HAS3: variants seen among roughly 807,000 people sequenced by gnomAD.
The protein encoded by HAS3 is HA synthase 3.
A neutral mutation model predicts 50.3 loss-of-function variants in HAS3; 27 were observed. The ratio of observed to expected loss-of-function variants is 0.54; its 90% CI spans 0.40 to 0.74. HAS3 has a LOEUF of 0.74. Among genes scored for constraint, HAS3 ranks in the 30% least tolerant of loss-of-function variants. The pLI, the probability that HAS3 is intolerant of heterozygous loss-of-function variation, is 0.00. For synonymous variants in HAS3, 339 were observed against 310.9 expected (o/e 1.09, Z -0.95); for missense variants, 517 against 742.8 (o/e 0.70, Z 3.53).
At chr16:69,085,345 G>A in the HAS3 span, among the ~76,000 whole-genome samples, 3 of 152,286 alleles carry the variant, frequency 2.0e-5, no homozygotes, top group South Asian at 4.1e-4. Flanking sequence ...ATCCTCGAGT[G>A]CCTCATGAAG....
At chr16:69,104,339 C>T (rs1186469549), upstream of HAS3, among the ~76,000 whole-genome samples, 1 of 150,924 alleles carries the variant, frequency 6.6e-6, no homozygotes, top group East Asian at 1.9e-4. Flanking sequence ...CTCTGTCGCC[C>T]AGGCTGGAGT....
In HAS3 at chr16:69,109,618, C is replaced by G; in HGVS notation, c.223C>G (p.Gln75Glu). ...LEHRRMRRAG[Q>E]ALKLPSPRRG... is the part of the protein sequence containing the mutation. Reference sequence around the variant, plus strand: ...GCACCGGCGCATGCGACGTGCCGGCCAGGCCCTGAAGCTGCCCTCCCCGCG... The same window carrying G: ...GCACCGGCGCATGCGACGTGCCGGCGAGGCCCTGAAGCTGCCCTCCCCGCG... The change falls in exon 2 of 4, where the codon CAG (glutamine) becomes GAG (glutamate). Residue 75 changes from glutamine to glutamate, a missense_variant. Physicochemically the swap from Gln to Glu is conservative, Grantham distance 29 (BLOSUM62 2). Coordinates refer to ENST00000569188, the MANE Select transcript of HAS3 (RefSeq NM_001199280.2). This position sits in a 1 kb window ranked among gnomAD's most constrained non-coding sequence, Gnocchi z 5.3. The G allele has an allele frequency of 6.2e-7, 1 of 1,611,958 alleles. No individual in the cohort carries two copies. The highest frequency in any genetic ancestry group is 8.5e-7 in the Non-Finnish European group (1 of 1,179,750).
chr16:69,087,810 C>A, the HAS3 span, among the ~76,000 whole-genome samples: 1 of 148,374 alleles, frequency 6.7e-6, no homozygotes, highest in Non-Finnish European at 1.5e-5. Flanking sequence ...TCAAGCAATT[C>A]TCCTGCCTTA....
In HAS3 at chr16:69,114,944, T is replaced by C. The variant is rs1961131312; in HGVS notation, c.1340T>C (p.Met447Thr). ...ATGTCCCTCTACTCCCTCCTCTATA[T>C]GTCCAGCCTTCTGCCGGCCAAGATC... ...IFMSLYSLLY[M>T]SSLLPAKIFA... The change falls in exon 4 of 4, where the codon ATG becomes ACG. Residue 447 changes from methionine to threonine, a missense_variant. Transcript: ENST00000569188. This position sits in a 1 kb window ranked among gnomAD's most constrained non-coding sequence, Gnocchi z 6.4. 1 of 1,614,006 alleles carries C rather than the reference T, an allele frequency of 6.2e-7. No homozygotes were observed. The highest frequency in any genetic ancestry group is 1.1e-5 in the South Asian group (1 of 91,090).
the HAS3 span, among the ~76,000 whole-genome samples, chr16:69,100,254 C>T: frequency 6.6e-6 from 1 of 152,206 alleles, no homozygotes; most frequent in Non-Finnish European, 1.5e-5. Context: ...GTAGTCAAGG[C>T]ACACACTTTC....
rs982474542 is a variant in HAS3 at position 69,117,644 on chromosome 16, C to T, written c.*2378C>T. ...GCACTTATTTGTCAAAATAAAGATT[C>T]TCACATATGCCGGTTATCTCGAAAC... On this transcript the variant is annotated 3_prime_UTR_variant, in exon 4 of 4. Transcript: ENST00000569188. 7 of 937,466 alleles carry T rather than the reference C, an allele frequency of 7.5e-6. No homozygotes were observed. Among genetic ancestry groups the T allele is most frequent in the Non-Finnish European group, 8.9e-6 (7 of 788,974 alleles). The allele number at this position is 937,466 out of a possible 1,614,324, so 58.1% of individuals were successfully genotyped here. A position where few individuals can be genotyped will look rare whatever the true frequency, so the allele number is the denominator to read the frequency against.
chr16:69,117,593 A>C lies in HAS3; in HGVS notation c.*2327A>C. On this transcript the variant is annotated 3_prime_UTR_variant, in exon 4 of 4. Transcript: ENST00000569188. The stretch of plus-strand genomic sequence containing the variant: ...TTTACCTGCTTTTTTTTTTTTTTTT[A>C]ATTTTCAGGTCAAGTTTTTTATACT... 1 of 668,656 alleles carries C rather than the reference A, an allele frequency of 1.5e-6. No homozygotes were observed. Among genetic ancestry groups the C allele is most frequent in the South Asian group, 6.9e-5 (1 of 14,566 alleles). The allele number at this position is 668,656 out of a possible 1,614,324, so 41.4% of individuals were successfully genotyped here. A position where few individuals can be genotyped will look rare whatever the true frequency, so the allele number is the denominator to read the frequency against.
chr16:69,118,584 C>G, downstream of HAS3: 1 of 736,814 alleles, frequency 1.4e-6, no homozygotes. Context: ...GGGCAGAAAG[C>G]TGTGGGACGA....
the HAS3 span, among the ~76,000 whole-genome samples, chr16:69,085,878 C>T: frequency 2.0e-5 from 3 of 152,150 alleles, no homozygotes; most frequent in African/African-American, 7.2e-5. Context: ...CGTGCCTGAC[C>T]TTTATTTTAA....
chr16:69,098,056 A>G, the HAS3 span, among the ~76,000 whole-genome samples: 1 of 152,166 alleles, frequency 6.6e-6, no homozygotes, highest in African/African-American at 2.4e-5. Flanking sequence ...GAATCCATGT[A>G]TGATAGAGAC....
chr16:69,111,810 G>A (rs1270294202), intron 2 of HAS3, among the ~76,000 whole-genome samples: 1 of 152,186 alleles, frequency 6.6e-6, no homozygotes, highest in African/African-American at 2.4e-5. Flanking sequence ...CCCTGGCACA[G>A]GCTCAAGCCA....
At chr16:69,118,443 A>G, downstream of HAS3, 2 of 1,609,568 alleles carry the variant, frequency 1.2e-6, no homozygotes. Flanking sequence ...CACCAACGCC[A>G]CGTTTCTAGA....
At chr16:69,101,663 C>A (rs751170199), upstream of HAS3, among the ~76,000 whole-genome samples, 4 of 152,228 alleles carry the variant, frequency 2.6e-5, no homozygotes, top group Non-Finnish European at 5.9e-5. Context: ...AGCTCAGGTT[C>A]CCCATGAAAC....
the HAS3 span, among the ~76,000 whole-genome samples, chr16:69,098,370 C>CA: frequency 1.1e-3 from 150 of 133,602 alleles, no homozygotes; most frequent in South Asian, 2.4e-3. Context: ...GACTCCGTGT[C>CA]AAAAAAAAAA....
chr16:69,117,274 C>T lies in HAS3; in HGVS notation c.*2008C>T, dbSNP rs1320368962. The T allele has an allele frequency of 2.0e-6, 2 of 985,748 alleles. No homozygotes were observed. The highest frequency in any genetic ancestry group is 2.4e-6 in the Non-Finnish European group (2 of 829,916). 61.1% of individuals were successfully genotyped at this position (985,748 alleles called of 1,614,324 possible). ...TTACTTGAAGATTAATGTAGGATGA[C>T]AGGCTCTCCTGGCTGTCCTACCATC... On this transcript the variant is annotated 3_prime_UTR_variant, in exon 4 of 4. Coordinates refer to ENST00000569188, the MANE Select transcript of HAS3 (RefSeq NM_001199280.2).
In HAS3 at chr16:69,116,381, A is replaced by G; in HGVS notation, c.*1115A>G. The G allele has an allele frequency of 1.0e-6, 1 of 985,918 alleles. No homozygotes were observed. Among genetic ancestry groups the G allele is most frequent in the Non-Finnish European group, 1.2e-6 (1 of 829,938 alleles). 61.1% of individuals were successfully genotyped at this position (985,918 alleles called of 1,614,324 possible). On this transcript the variant is annotated 3_prime_UTR_variant, in exon 4 of 4. Transcript: ENST00000569188. ...GGAGCCTCTGATCAAATTGGCTACA[A>G]TCTTGGAGCTGCTTGGACGGATTCC...
At chr16:69,098,997 G>A in the HAS3 span, among the ~76,000 whole-genome samples, 1 of 141,542 alleles carries the variant, frequency 7.1e-6, no homozygotes, top group African/African-American at 2.7e-5. Context: ...TTAAGACAGA[G>A]TCTCGCCCTG....
chr16:69,112,898 A>C (rs1469342610), intron 2 of HAS3, among the ~76,000 whole-genome samples: 1 of 152,170 alleles, frequency 6.6e-6, no homozygotes, highest in Non-Finnish European at 1.5e-5. Flanking sequence ...GGCTCGGCCA[A>C]GGGAGTCTGT....
chr16:69,118,311 T>C (rs542564374), downstream of HAS3: 15 of 1,210,236 alleles, frequency 1.2e-5, no homozygotes, highest in South Asian at 1.4e-4. Flanking sequence ...ATTCGGTGGG[T>C]CTTTCTTTGA....
Sources: gnomAD v4.1 joint callset for allele counts (sites outside exome capture counted in the v4.1 genomes callset) on GRCh38, gnomAD v4.1.1 for gene constraint, Gnocchi (gnomAD v3.1) non-coding constraint, MANE v1.5 for transcripts, NCBI Gene and HGNC (gene_info 2026-07-23, HGNC 2026-07-21) for gene names.